The following IVD variants were observed in gnomAD, a reference collection of about 807,000 sequenced individuals.
IVD encodes the protein isovaleryl-CoA dehydrogenase, also known as isovaleryl-CoA dehydrogenase, mitochondrial.
In IVD, 31 loss-of-function variants were observed where a neutral mutation model predicts 51.3. That is an observed-to-expected ratio of 0.60 (90% CI 0.45 to 0.81). IVD has a LOEUF of 0.81. IVD is among the 40% of genes least tolerant of loss of function. IVD has a pLI of 0.00. For missense variants in IVD, 475 were observed against 552.0 expected (o/e 0.86, Z 1.40); for synonymous variants, 205 against 219.4 (o/e 0.93, Z 0.58).
At chr15:40,407,540 C>A in intron 1 of IVD, 96 bp from the exon 2 acceptor site, 2 of 872,644 alleles carry the variant, frequency 2.3e-6, no homozygotes, top group Non-Finnish European at 4.0e-6. Context: ...CAGTCTGATG[C>A]TGTTTGGGGA....
intron 3 of IVD, among the ~76,000 whole-genome samples, chr15:40,409,889 T>G (rs1479856585): frequency 3.4e-5 from 5 of 148,016 alleles, no homozygotes; most frequent in African/African-American, 1.0e-4. Context: ...CAGGCTGGAG[T>G]GCAGTGGCGC....
chr15:40,420,652 C>T lies in IVD; in HGVS notation c.*2389C>T, dbSNP rs1892216503. The T allele has an allele frequency of 2.0e-6, 2 of 987,470 alleles. No individual in the cohort carries two copies. Among genetic ancestry groups the T allele is most frequent in the Non-Finnish European group, 2.4e-6 (2 of 830,100 alleles). The allele number at this position is 987,470 out of a possible 1,614,324, so 61.2% of individuals were successfully genotyped here. A position where few individuals can be genotyped will look rare whatever the true frequency, so the allele number is the denominator to read the frequency against. The stretch of plus-strand genomic sequence containing the variant: ...GTGAGTTTTAAAGGAAGCAGGGAGC[C>T]CAGAGTGCTAAGTTCTTACAGCCAG... On this transcript the variant is annotated 3_prime_UTR_variant, in exon 12 of 12. Coordinates refer to ENST00000487418, the MANE Select transcript of IVD (RefSeq NM_002225.5).
At chr15:40,406,891 T>TC (rs1217503290) in intron 1 of IVD, among the ~76,000 whole-genome samples, 6 of 151,554 alleles carry the variant, frequency 4.0e-5, no homozygotes. Flanking sequence ...GAGACGGAGT[T>TC]TCACTCTTGT....
chr15:40,413,259 A>C lies in IVD; in HGVS notation c.784+172A>C, dbSNP rs1891278032. ...TGCTGGACAGCGCTCCTTCCTGGCC[A>C]GGGCCCTGCAGCGGCATGCCTAACT... On this transcript the variant is annotated intron_variant, in intron 7 of 11. Transcript: ENST00000487418. The C allele has an allele frequency of 9.0e-6, 6 of 667,712 alleles. No homozygotes were observed. The South Asian group carries it at 9.4e-5, about 10-fold the overall frequency. The allele number at this position is 667,712 out of a possible 1,614,324, so 41.4% of individuals were successfully genotyped here. A position where few individuals can be genotyped will look rare whatever the true frequency, so the allele number is the denominator to read the frequency against.
intron 1 of IVD, among the ~76,000 whole-genome samples, chr15:40,407,022 C>G (rs1890514983): frequency 6.6e-6 from 1 of 152,160 alleles, no homozygotes; most frequent in Admixed American, 6.5e-5. Context: ...CACCACCACG[C>G]CCGGCTAATT....
chr15:40,427,573 C>T (rs1892743975), downstream of IVD, among the ~76,000 whole-genome samples: 1 of 152,198 alleles, frequency 6.6e-6, no homozygotes, highest in African/African-American at 2.4e-5. Context: ...GTAGCAAAAT[C>T]CCTTAGTTCA....
At chr15:40,406,104 C>G in intron 1 of IVD, 133 bp downstream of exon 1, 4 of 1,540,420 alleles carry the variant, frequency 2.6e-6, no homozygotes, top group Non-Finnish European at 2.6e-6. Flanking sequence ...GTTGGGAGCG[C>G]CAGCGCGGGG....
At chr15:40,422,121 G>A (rs1892344745), downstream of IVD, among the ~76,000 whole-genome samples, 2 of 152,236 alleles carry the variant, frequency 1.3e-5, no homozygotes, top group African/African-American at 4.8e-5. Flanking sequence ...CTGCCCGCGG[G>A]GTTGGGTTGC....
At chr15:40,430,919 C>G (rs563448487) in intron 7 of IVD, among the ~76,000 whole-genome samples, 1 of 152,152 alleles carries the variant, frequency 6.6e-6, no homozygotes, top group Non-Finnish European at 1.5e-5. Flanking sequence ...ATATGACAAT[C>G]GACTTGCAAC....
chr15:40,426,794 G>A (rs996903011), downstream of IVD, among the ~76,000 whole-genome samples: 1 of 152,214 alleles, frequency 6.6e-6, no homozygotes, highest in Non-Finnish European at 1.5e-5. Context: ...TTCAGCAAGG[G>A]AGAGAAATCA....
At chr15:40,415,062 CCCCTTGCGGGGCCAAAGGGA>C (rs1420705539) in intron 8 of IVD, 80 bp downstream of exon 8, 1 of 1,543,396 alleles carries the variant, frequency 6.5e-7, no homozygotes, top group Non-Finnish European at 8.8e-7. Flanking sequence ...CAGCAGCCTT[CCCCTTGCGGGGCCAAAGGGA>C]GCTGCCTCTT....
chr15:40,411,650 G>A lies in IVD; in HGVS notation c.646G>A (p.Val216Met), dbSNP rs1343378731. 2.5e-6 allele frequency: 4 copies of A among 1,614,238 alleles called. No homozygotes were observed. Among genetic ancestry groups the A allele is most frequent in the Admixed American group, 3.3e-5 (2 of 60,036 alleles). Residue 216 changes from valine to methionine, a missense_variant, in exon 6 of 12, where the codon GTG becomes ATG. By Grantham distance (21) the Val-to-Met change is conservative. Transcript: ENST00000487418. ...CTATGCCAAGACAGATCTGGCTGCTGTGCCAGCTTCTCGGGGCATCACAGC... is the reference window on the plus strand; with the variant it reads ...CTATGCCAAGACAGATCTGGCTGCTATGCCAGCTTCTCGGGGCATCACAGC... ...IVYAKTDLAA[V>M]PASRGITAFI...
At chr15:40,428,131 G>A (rs1020846857), downstream of IVD, among the ~76,000 whole-genome samples, 9 of 150,866 alleles carry the variant, frequency 6.0e-5, no homozygotes, top group Non-Finnish European at 1.3e-4. Context: ...GCAGTGAGCC[G>A]AGATTTGGCC....
In IVD at chr15:40,405,899, C is replaced by T. The variant is rs1403443551; in HGVS notation, c.72C>T (p.Phe24=). 2 of 1,613,304 alleles carry T rather than the reference C, an allele frequency of 1.2e-6. No individual in the cohort carries two copies. The highest frequency in any genetic ancestry group is 1.3e-5 in the African/African-American group (1 of 75,050). Reference sequence around the variant, plus strand: ...GGCTGCGGCCGCCGCTTGCCGGCTTCGTTTCCCAGCGGGCCCACTCGCTTT... The same window carrying T: ...GGCTGCGGCCGCCGCTTGCCGGCTTTGTTTCCCAGCGGGCCCACTCGCTTT... The part of the protein sequence containing the change: ...SWRLRPPLAG[F]VSQRAHSLLP... The change falls in exon 1 of 12, where the codon TTC becomes TTT. Residue 24 remains phenylalanine (F), a synonymous_variant. Transcript: ENST00000487418.
chr15:40,432,455 G>A (rs1339301674), intron 7 of IVD, among the ~76,000 whole-genome samples: 1 of 152,238 alleles, frequency 6.6e-6, no homozygotes, highest in Non-Finnish European at 1.5e-5. Flanking sequence ...TGGCACCATG[G>A]TTGGTTAACA....
chr15:40,425,492 C>T (rs1390138828), downstream of IVD, among the ~76,000 whole-genome samples: 1 of 147,288 alleles, frequency 6.8e-6, no homozygotes, highest in Non-Finnish European at 1.5e-5. Context: ...CTTTTTGGCT[C>T]ATCATTGTAT....
intron 7 of IVD, among the ~76,000 whole-genome samples, chr15:40,431,284 G>T (rs1380615381): frequency 1.3e-5 from 2 of 151,818 alleles, no homozygotes; most frequent in Non-Finnish European, 2.9e-5. Flanking sequence ...GTGCCCAGCC[G>T]GCTCCACTAT....
Position 40,414,795 on chromosome 15 carries a change from T to C in IVD, c.785-94T>C, listed in dbSNP as rs367995277. Reference sequence around the variant, plus strand: ...GGTCAAGTGACATATTTTAGTGCCTTACTTGAGAGCCATGTTTCCAAATCT... The same window carrying C: ...GGTCAAGTGACATATTTTAGTGCCTCACTTGAGAGCCATGTTTCCAAATCT... On this transcript the variant is annotated intron_variant, in intron 7 of 11. Transcript: ENST00000487418. The C allele has an allele frequency of 5.9e-5, 93 of 1,563,168 alleles. No individual in the cohort carries two copies. The East Asian group carries it at 1.7e-3, about 29-fold the overall frequency.
rs1892154855 is a variant in IVD at position 40,420,122 on chromosome 15, A to AT, written c.*1859_*1860insT. On this transcript the variant is annotated 3_prime_UTR_variant, in exon 12 of 12. Transcript: ENST00000487418. ...TGTCTCAAAAAATAATAATAAAATA[A>AT]ATGAACACACATGCTGCTGAGTCCG... 2 of 982,840 alleles carry AT rather than the reference A, an allele frequency of 2.0e-6. No homozygotes were observed. Among genetic ancestry groups the AT allele is most frequent in the South Asian group, 9.5e-5 (2 of 21,018 alleles). The allele number at this position is 982,840 out of a possible 1,614,324, so 60.9% of individuals were successfully genotyped here. A position where few individuals can be genotyped will look rare whatever the true frequency, so the allele number is the denominator to read the frequency against.
Sources: allele counts gnomAD v4.1 joint callset (sites outside exome capture counted in the v4.1 genomes callset), GRCh38; gene constraint gnomAD v4.1.1; transcripts MANE v1.5; gene names NCBI Gene and HGNC (gene_info 2026-07-23, HGNC 2026-07-21).